STXBP5L: variants seen among roughly 807,000 people sequenced by gnomAD.
STXBP5L encodes syntaxin-binding protein 5-like.
STXBP5L carries 65 observed loss-of-function variants against 144.5 expected under a neutral mutation model. That is an observed-to-expected ratio of 0.45 (90% confidence interval 0.37 to 0.55). STXBP5L has a LOEUF of 0.55. Ranked by LOEUF, STXBP5L falls within the 20% of genes least tolerant of loss-of-function variation. STXBP5L has a pLI of 0.00. For missense variants in STXBP5L, 1,298 were observed against 1,405.5 expected (o/e 0.92, Z 1.22); for synonymous variants, 505 against 469.6 (o/e 1.08, Z -0.97).
intron 7 of STXBP5L, among the ~76,000 whole-genome samples, chr3:121,124,111 A>G (rs1315858852): frequency 2.6e-5 from 4 of 151,884 alleles, no homozygotes; most frequent in Admixed American, 2.0e-4. Flanking sequence ...TCACTGATTT[A>G]TACACCTCAC....
chr3:121,192,357 G>A (rs2047730790), intron 9 of STXBP5L, among the ~76,000 whole-genome samples: 1 of 152,138 alleles, frequency 6.6e-6, no homozygotes, highest in African/African-American at 2.4e-5. Context: ...CCATGCTCAT[G>A]GATAGGAAGA....
At chr3:120,922,177 T>G (rs1389018841) in intron 2 of STXBP5L, among the ~76,000 whole-genome samples, 1 of 152,060 alleles carries the variant, frequency 6.6e-6, no homozygotes, top group Non-Finnish European at 1.5e-5. Flanking sequence ...ACTTCTTTAA[T>G]TAAATTTATT....
chr3:121,394,606 T>TG (rs2046680228), intron 22 of STXBP5L, among the ~76,000 whole-genome samples: 1 of 140,194 alleles, frequency 7.1e-6, no homozygotes, highest in Admixed American at 7.0e-5. Context: ...TTGAGGGTTT[T>TG]TTTTTTTTTT....
chr3:121,092,505 T>C (rs1411761520), intron 5 of STXBP5L, among the ~76,000 whole-genome samples: 1 of 152,178 alleles, frequency 6.6e-6, no homozygotes, highest in Non-Finnish European at 1.5e-5. Flanking sequence ...TAAGTTGGAT[T>C]CCTAGGTATT....
chr3:121,395,231 TC>T (rs1295516909), intron 22 of STXBP5L, among the ~76,000 whole-genome samples: 1 of 152,224 alleles, frequency 6.6e-6, no homozygotes, highest in East Asian at 1.9e-4. Flanking sequence ...CAATTTTACA[TC>T]TTTTTTCAGG....
At position 120,959,289 on chromosome 3, in the gene STXBP5L, T is replaced by G. The variant is rs571548101; in HGVS notation, c.287+4252T>G. Among the ~76,000 whole-genome samples, 92 of 152,216 alleles carry G rather than the reference T, an allele frequency of 6.0e-4. 1 individual carries two copies. Among genetic ancestry groups the G allele is most frequent in the South Asian group, 1.5e-3 (7 of 4,822 alleles). The stretch of plus-strand genomic sequence containing the variant: ...ATGGAAGAACATTCCATGCTCATGG[T>G]TAGGAAGAATCAATGTCTTGAAACT... On this transcript the variant is annotated intron_variant, in intron 3 of 26. Transcript: ENST00000471454.
At chr3:121,063,119 G>A (rs575039830) in intron 5 of STXBP5L, among the ~76,000 whole-genome samples, 2 of 152,220 alleles carry the variant, frequency 1.3e-5, no homozygotes, top group East Asian at 1.9e-4. Flanking sequence ...ACCTTTTTGC[G>A]CTGGCTTCTC....
chr3:121,250,914 A>T (rs949869457), intron 15 of STXBP5L, 151 bp downstream of exon 15: 2 of 612,928 alleles, frequency 3.3e-6, no homozygotes, highest in African/African-American at 3.8e-5. Context: ...CTACACTGTT[A>T]GATCAGTTGA....
rs1278832219 is a variant in STXBP5L, at chr3:121,415,884, A to G, written c.3142A>G (p.Ile1048Val). The G allele has an allele frequency of 1.2e-6, 2 of 1,613,384 alleles. No homozygotes were observed. Residue 1048 changes from isoleucine to valine, a missense_variant, in exon 25 of 27, where the codon ATA becomes GTA. Coordinates refer to ENST00000471454, the MANE Select transcript of STXBP5L (RefSeq NM_001308330.2). The stretch of plus-strand genomic sequence containing the variant: ...CATGCTAGGAGATTTGTTTACTCCC[A>G]TAGAGACACCAGAAGCTCAAAACAG... ...QDMLGDLFTP[I>V]ETPEAQNRGF...
chr3:120,999,528 G>A (rs1171398708), intron 3 of STXBP5L, among the ~76,000 whole-genome samples: 1 of 152,106 alleles, frequency 6.6e-6, no homozygotes, highest in Non-Finnish European at 1.5e-5. Flanking sequence ...TTATCTAATT[G>A]ACTATGCTGT....
chr3:120,989,066 A>G (rs543798168), intron 3 of STXBP5L, among the ~76,000 whole-genome samples: 2 of 152,190 alleles, frequency 1.3e-5, no homozygotes, highest in African/African-American at 2.4e-5. Context: ...CTTACTATCC[A>G]TCGATAGACA....
chr3:121,213,722 C>A (rs2048669433), intron 10 of STXBP5L, among the ~76,000 whole-genome samples: 1 of 152,072 alleles, frequency 6.6e-6, no homozygotes, highest in Admixed American at 6.6e-5. Flanking sequence ...ATGACCCTGG[C>A]CTCATAAAAA....
chr3:121,065,500 T>C (rs1273490595), intron 5 of STXBP5L, among the ~76,000 whole-genome samples: 1 of 152,236 alleles, frequency 6.6e-6, no homozygotes, highest in Non-Finnish European at 1.5e-5. Flanking sequence ...ACTTAGTGAC[T>C]TAACACACAT....
intron 5 of STXBP5L, among the ~76,000 whole-genome samples, chr3:121,097,616 G>T (rs2043195244): frequency 6.6e-6 from 1 of 152,134 alleles, no homozygotes; most frequent in South Asian, 2.1e-4. Flanking sequence ...GCCCCACCCT[G>T]CTTCAGATCA....
intron 5 of STXBP5L, among the ~76,000 whole-genome samples, chr3:121,087,375 C>T (rs1209006168): frequency 6.6e-6 from 1 of 152,002 alleles, no homozygotes; most frequent in East Asian, 1.9e-4. Flanking sequence ...GGTGCATTCA[C>T]ATTTAGGGTT....
At chr3:120,959,454 A>G (rs1324370051) in intron 3 of STXBP5L, among the ~76,000 whole-genome samples, 1 of 152,226 alleles carries the variant, frequency 6.6e-6, no homozygotes, top group East Asian at 1.9e-4. Flanking sequence ...GTCAATCCTA[A>G]GCCAACAGAA....
chr3:121,146,581 A>C (rs1334936232), intron 7 of STXBP5L, among the ~76,000 whole-genome samples: 1 of 152,056 alleles, frequency 6.6e-6, no homozygotes, highest in Non-Finnish European at 1.5e-5. Flanking sequence ...TAAAACAACA[A>C]TATGCTGTTA....
At chr3:121,138,665 A>T (rs902564167) in intron 7 of STXBP5L, among the ~76,000 whole-genome samples, 1 of 152,114 alleles carries the variant, frequency 6.6e-6, no homozygotes, top group Non-Finnish European at 1.5e-5. Context: ...AAGAAAGGAA[A>T]GTCTCCTTAA....
intron 9 of STXBP5L, 137 bp downstream of exon 9, chr3:121,157,764 C>T (rs1388182620): frequency 4.3e-6 from 5 of 1,150,680 alleles, no homozygotes; most frequent in Non-Finnish European, 5.9e-6. Flanking sequence ...CCTTTTATAC[C>T]ACCTACAGAT....
Sources: gnomAD v4.1 joint callset for allele counts (sites outside exome capture counted in the v4.1 genomes callset) on GRCh38, gnomAD v4.1.1 for gene constraint, MANE v1.5 for transcripts, NCBI Gene and HGNC (gene_info 2026-07-23, HGNC 2026-07-21) for gene names.